Variants in DNMBP observed in about 807,000 individuals in gnomAD.
DNMBP encodes dynamin binding protein.
Under a neutral mutation model 150.0 loss-of-function variants are expected in DNMBP, and 87 were observed. That is an observed-to-expected ratio of 0.58 (90% CI 0.49 to 0.69). The LOEUF is 0.69. Ranked by LOEUF, DNMBP falls within the 30% of genes least tolerant of loss-of-function variation. The pLI is 0.00. For missense variants in DNMBP, 1,774 were observed against 1,949.0 expected (o/e 0.91, Z 1.69); for synonymous variants, 711 against 750.4 (o/e 0.95, Z 0.86).
intron 4 of DNMBP, among the ~76,000 whole-genome samples, chr10:99,926,019 G>A (rs1056539382): frequency 6.6e-6 from 1 of 152,072 alleles, no homozygotes; most frequent in African/African-American, 2.4e-5. Flanking sequence ...GCCCTCTCTA[G>A]TTTTGTTTAG....
At chr10:99,911,777 A>G (rs2039903471) in intron 4 of DNMBP, among the ~76,000 whole-genome samples, 1 of 152,218 alleles carries the variant, frequency 6.6e-6, no homozygotes, top group South Asian at 2.1e-4. Context: ...TGAATGGCAA[A>G]ACTTGAAGCA....
At chr10:99,900,227 G>A (rs2039718946) in intron 6 of DNMBP, among the ~76,000 whole-genome samples, 161 bp from the exon 7 acceptor site, 1 of 152,166 alleles carries the variant, frequency 6.6e-6, no homozygotes, top group African/African-American at 2.4e-5. Context: ...CCATCTAACA[G>A]CTTAAAGTTG....
At chr10:99,901,334 G>A (rs1481719168) in intron 6 of DNMBP, among the ~76,000 whole-genome samples, 1 of 152,170 alleles carries the variant, frequency 6.6e-6, no homozygotes, top group Non-Finnish European at 1.5e-5. Context: ...AACATTGGCT[G>A]CCTCTGGTTG....
At chr10:99,951,802 G>A (rs1168079652) in intron 4 of DNMBP, among the ~76,000 whole-genome samples, 3 of 152,236 alleles carry the variant, frequency 2.0e-5, no homozygotes, top group Non-Finnish European at 4.4e-5. Context: ...CCTTGTCTCA[G>A]ATGAGACGTC....
chr10:99,929,951 T>A (rs2040129163), intron 4 of DNMBP: 2 of 702,778 alleles, frequency 2.8e-6, no homozygotes, highest in South Asian at 3.0e-5. Flanking sequence ...AGTTTGCAAA[T>A]AAAGCATCAT....
chr10:99,914,123 G>A (rs1377380331), intron 4 of DNMBP: 26 of 1,342,968 alleles, frequency 1.9e-5, no homozygotes, highest in African/African-American at 6.1e-5. Flanking sequence ...CAAGTCACCC[G>A]GGCTATCACA....
chr10:99,999,620 A>G (rs2040988963), intron 1 of DNMBP, among the ~76,000 whole-genome samples: 1 of 152,196 alleles, frequency 6.6e-6, no homozygotes, highest in Non-Finnish European at 1.5e-5. Context: ...TTTTATTACA[A>G]TATAGTGTTA....
At chr10:99,966,751 C>T (rs765079562) in intron 3 of DNMBP, among the ~76,000 whole-genome samples, 1 of 152,098 alleles carries the variant, frequency 6.6e-6, no homozygotes, top group Non-Finnish European at 1.5e-5. Flanking sequence ...CTCAAAACAA[C>T]AGAGCGTGGT....
At chr10:99,966,877 C>T (rs963302284) in intron 3 of DNMBP, among the ~76,000 whole-genome samples, 1 of 151,962 alleles carries the variant, frequency 6.6e-6, no homozygotes, top group Non-Finnish European at 1.5e-5. Flanking sequence ...ACCTCCTGGG[C>T]TCAGGCTCCT....
At chr10:99,974,833 G>A (rs1175552050) in intron 1 of DNMBP, among the ~76,000 whole-genome samples, 2 of 152,126 alleles carry the variant, frequency 1.3e-5, no homozygotes, top group Non-Finnish European at 2.9e-5. Flanking sequence ...GGAGAGCAGT[G>A]GCTCACCGTA....
intron 4 of DNMBP, among the ~76,000 whole-genome samples, chr10:99,940,771 T>C (rs1242454837): frequency 6.6e-6 from 1 of 152,202 alleles, no homozygotes; most frequent in Non-Finnish European, 1.5e-5. Flanking sequence ...CCAATAGGGC[T>C]TGCATCCCAA....
At chr10:99,938,077 T>C (rs1445448173) in intron 4 of DNMBP, among the ~76,000 whole-genome samples, 2 of 152,238 alleles carry the variant, frequency 1.3e-5, no homozygotes, top group Admixed American at 6.5e-5. Flanking sequence ...TTCTATGATC[T>C]TGCTTATTTC....
intron 1 of DNMBP, among the ~76,000 whole-genome samples, chr10:99,991,516 T>G (rs1301256260): frequency 6.6e-6 from 1 of 152,090 alleles, no homozygotes; most frequent in Non-Finnish European, 1.5e-5. Flanking sequence ...AATGAAATCA[T>G]GTAATATGTG....
rs2039464843 is a variant in DNMBP at position 99,886,376 on chromosome 10, TTGG to T, written c.3539_3541del (p.Thr1180del). The T allele has an allele frequency of 7.4e-6, 12 of 1,613,850 alleles. No individual in the cohort carries two copies. The highest frequency in any genetic ancestry group is 1.7e-5 in the Admixed American group (1 of 59,982). On this transcript the variant is annotated inframe_deletion, in exon 13 of 17. Transcript: ENST00000324109. ...GGCTTCAGCATAGCCGTGGACACAGTTGGTGAAGAGGCCCTGGGCGTACTGGTG... is the reference window on the plus strand; with the variant it reads ...GGCTTCAGCATAGCCGTGGACACAGTTGAAGAGGCCCTGGGCGTACTGGTG...
chr10:99,919,355 A>G (rs1165197691), intron 4 of DNMBP, among the ~76,000 whole-genome samples: 2 of 152,188 alleles, frequency 1.3e-5, no homozygotes, highest in African/African-American at 2.4e-5. Flanking sequence ...CTCCTACTCT[A>G]TAAAAATCAC....
chr10:99,887,059 C>G (rs2039478238), intron 12 of DNMBP, among the ~76,000 whole-genome samples: 1 of 151,968 alleles, frequency 6.6e-6, no homozygotes, highest in Non-Finnish European at 1.5e-5. Context: ...CTTTCATACA[C>G]TCATAAACCT....
intron 3 of DNMBP, among the ~76,000 whole-genome samples, chr10:99,961,271 T>C (rs1232428606): frequency 6.6e-4 from 85 of 128,262 alleles, no homozygotes; most frequent in Non-Finnish European, 8.2e-4. Flanking sequence ...CTTTTTCTTT[T>C]TTTTTTTTTT....
intron 1 of DNMBP, among the ~76,000 whole-genome samples, chr10:99,975,423 A>T (rs2040718028): frequency 6.6e-6 from 1 of 152,232 alleles, no homozygotes; most frequent in Non-Finnish European, 1.5e-5. Context: ...GCATATAATA[A>T]ATCATTTAGT....
At chr10:99,962,092 T>C (rs2040570853) in intron 3 of DNMBP, among the ~76,000 whole-genome samples, 2 of 151,998 alleles carry the variant, frequency 1.3e-5, no homozygotes, top group Non-Finnish European at 2.9e-5. Flanking sequence ...GAAGCTCACA[T>C]TCATCTTGGC....
Sources: allele counts gnomAD v4.1 joint callset (sites outside exome capture counted in the v4.1 genomes callset), GRCh38; gene constraint gnomAD v4.1.1; transcripts MANE v1.5; gene names NCBI Gene and HGNC (gene_info 2026-07-23, HGNC 2026-07-21).